Variants in FBXL17 observed in about 807,000 individuals in gnomAD.
FBXL17 encodes the protein F-box/LRR-repeat protein 17.
Under a neutral mutation model 66.2 loss-of-function variants are expected in FBXL17, and 22 were observed. The ratio of observed to expected loss-of-function variants is 0.33; its 90% CI spans 0.24 to 0.47. The LOEUF (loss-of-function observed/expected upper bound fraction) is 0.47. Among genes scored for constraint, FBXL17 ranks in the 20% least tolerant of loss-of-function variants. The probability of loss-of-function intolerance (pLI) is 1.00; values close to 1 mark genes in which losing one functional copy is unlikely to be tolerated. For missense variants in FBXL17, 878 were observed against 948.2 expected, an observed-to-expected ratio of 0.93 and a Z score of 0.97; for synonymous variants, 474 against 400.5, an observed-to-expected ratio of 1.18 and a Z score of -2.19.
At position 107,860,536 on chromosome 5, in the gene FBXL17, C is replaced by T. The variant is rs954358125; in HGVS notation, c.*1184G>A. On this transcript the variant is annotated 3_prime_UTR_variant, in exon 9 of 9. Coordinates refer to ENST00000542267, the MANE Select transcript of FBXL17 (RefSeq NM_001163315.3). ...CAATCCTTAATTAAACAAAGAAATG[C>T]TTATTTCTGACAAGTGTAAACAGAA... is the stretch of plus-strand genomic sequence containing the variant. 2.0e-5 allele frequency: 3 copies of T among 152,572 alleles called. No individual in the cohort carries two copies. The highest frequency in any genetic ancestry group is 2.0e-4 in the Admixed American group (3 of 15,278). The allele number at this position is 152,572 out of a possible 1,614,324, so 9.5% of individuals were successfully genotyped here. A position where few individuals can be genotyped will look rare whatever the true frequency, so the allele number is the denominator to read the frequency against.
chr5:107,889,492 T>G (rs996243416), intron 7 of FBXL17, among the ~76,000 whole-genome samples: 1 of 152,180 alleles, frequency 6.6e-6, no homozygotes, highest in South Asian at 2.1e-4. Flanking sequence ...GTGCTAGCAT[T>G]TTCAAGCAGC....
intron 7 of FBXL17, among the ~76,000 whole-genome samples, chr5:107,976,890 TA>T (rs1752599718): frequency 6.6e-6 from 1 of 152,190 alleles, no homozygotes; most frequent in African/African-American, 2.4e-5. Context: ...TTATAAGTAT[TA>T]GAATATACTA....
intron 5 of FBXL17, among the ~76,000 whole-genome samples, chr5:108,199,496 C>T (rs1355289747): frequency 6.6e-6 from 1 of 152,166 alleles, no homozygotes; most frequent in Non-Finnish European, 1.5e-5. Context: ...GCACTCCAAC[C>T]TATTCTTGGA....
intron 5 of FBXL17, among the ~76,000 whole-genome samples, chr5:108,211,227 G>A (rs1037368576): frequency 1.3e-4 from 19 of 151,992 alleles, no homozygotes; most frequent in Middle Eastern, 3.2e-3. Context: ...GTCTTTGCAC[G>A]TGAGATGGGT....
In FBXL17 at chr5:108,380,397, T is replaced by TC. The variant is rs765588691; in HGVS notation, c.993+301dup. Among the ~76,000 whole-genome samples the TC allele has an allele frequency of 1.1e-4, 16 of 152,324 alleles. 1 individual carries two copies. The Middle Eastern group carries it at 0.014, about 130-fold the overall frequency. ...ATTCCTCGATTAAAAAATTTTTTTT[T>TC]CCACAGAATACCTGCGAAGTTTCTA... On this transcript the variant is annotated intron_variant, in intron 1 of 8. Coordinates refer to ENST00000542267, the MANE Select transcript of FBXL17 (RefSeq NM_001163315.3).
chr5:107,868,495 C>G (rs1272832423), intron 8 of FBXL17, among the ~76,000 whole-genome samples: 2 of 152,226 alleles, frequency 1.3e-5, no homozygotes, highest in African/African-American at 4.8e-5. Flanking sequence ...GGCCTGACCA[C>G]GGGCCTTTGG....
intron 7 of FBXL17, among the ~76,000 whole-genome samples, chr5:107,914,882 C>T (rs1199663807): frequency 6.6e-6 from 1 of 152,164 alleles, no homozygotes; most frequent in African/African-American, 2.4e-5. Flanking sequence ...CTAGAACTAC[C>T]TCTTAATTTC....
At chr5:108,011,707 C>T (rs779629215) in intron 7 of FBXL17, among the ~76,000 whole-genome samples, 3 of 152,010 alleles carry the variant, frequency 2.0e-5, no homozygotes, top group Admixed American at 2.0e-4. Context: ...GCCTGTAATC[C>T]CAGCTACTGG....
intron 6 of FBXL17, among the ~76,000 whole-genome samples, chr5:108,162,917 C>A (rs569758601): frequency 1.3e-5 from 2 of 152,268 alleles, no homozygotes; most frequent in African/African-American, 4.8e-5. Context: ...GTCTTATTAA[C>A]CCCTCAGAGT....
rs911534462 is a variant in FBXL17 at position 108,169,887 on chromosome 5, T to G, written c.1745+16230A>C. 2.0e-5 allele frequency among the ~76,000 whole-genome samples: 3 copies of G among 152,202 alleles called. No individual in the cohort carries two copies. The East Asian group carries it at 5.8e-4, about 29-fold the overall frequency. On this transcript the variant is annotated intron_variant, in intron 6 of 8. Coordinates refer to ENST00000542267, the MANE Select transcript of FBXL17 (RefSeq NM_001163315.3). The stretch of plus-strand genomic sequence containing the variant: ...CATCAACATGCATTTAGTGAGCTTC[T>G]GTTTAGAAGCCCAAGATTGTGGAAA...
chr5:108,172,705 C>A (rs1275189100), intron 6 of FBXL17, among the ~76,000 whole-genome samples: 1 of 152,182 alleles, frequency 6.6e-6, no homozygotes, highest in Non-Finnish European at 1.5e-5. Context: ...GGTGATTTTT[C>A]TGTGTTTTAA....
At chr5:108,185,888 C>A (rs1165714254) in intron 6 of FBXL17, among the ~76,000 whole-genome samples, 1 of 152,090 alleles carries the variant, frequency 6.6e-6, no homozygotes, top group Non-Finnish European at 1.5e-5. Flanking sequence ...ACTATTGTTA[C>A]AATTGTTGAG....
intron 7 of FBXL17, among the ~76,000 whole-genome samples, chr5:107,968,508 T>TA (rs1373583121): frequency 6.6e-6 from 1 of 152,130 alleles, no homozygotes; most frequent in Non-Finnish European, 1.5e-5. Flanking sequence ...AAACCATTCA[T>TA]AAATATGGAA....
intron 7 of FBXL17, among the ~76,000 whole-genome samples, chr5:107,994,802 C>T (rs1198726012): frequency 6.6e-6 from 1 of 152,172 alleles, no homozygotes; most frequent in Non-Finnish European, 1.5e-5. Flanking sequence ...TGCGCCACTG[C>T]ACTCCAGCCT....
At chr5:108,277,804 T>G (rs1212917304) in intron 4 of FBXL17, among the ~76,000 whole-genome samples, 1 of 152,220 alleles carries the variant, frequency 6.6e-6, no homozygotes, top group Non-Finnish European at 1.5e-5. Flanking sequence ...TGGTTTCCAG[T>G]GCATATAAAA....
intron 6 of FBXL17, among the ~76,000 whole-genome samples, chr5:108,082,462 T>G (rs992547903): frequency 1.1e-4 from 16 of 152,342 alleles, no homozygotes; most frequent in Admixed American, 1.0e-3. Flanking sequence ...AATATATGTT[T>G]GTTATTGTCA....
intron 4 of FBXL17, among the ~76,000 whole-genome samples, chr5:108,233,874 A>C (rs546824810): frequency 2.6e-5 from 4 of 152,320 alleles, no homozygotes; most frequent in African/African-American, 9.6e-5. Context: ...CCCAGGGTGC[A>C]AAAGGGAAGA....
At chr5:108,227,073 A>C (rs1755132021) in intron 4 of FBXL17, among the ~76,000 whole-genome samples, 1 of 152,192 alleles carries the variant, frequency 6.6e-6, no homozygotes, top group Non-Finnish European at 1.5e-5. Flanking sequence ...ACAGACGTAC[A>C]GACAATATCC....
At chr5:108,067,756 T>C (rs187201490) in intron 6 of FBXL17, among the ~76,000 whole-genome samples, 33 of 152,356 alleles carry the variant, frequency 2.2e-4, no homozygotes, top group African/African-American at 6.3e-4. Context: ...TATTTCCCTA[T>C]TGTACTGTGC....
Sources: allele counts gnomAD v4.1 joint callset (sites outside exome capture counted in the v4.1 genomes callset), GRCh38; gene constraint gnomAD v4.1.1; transcripts MANE v1.5; gene names NCBI Gene and HGNC (gene_info 2026-07-23, HGNC 2026-07-21).